The following KIF26B variants were observed in gnomAD, a reference collection of about 807,000 sequenced individuals.
KIF26B encodes kinesin family member 26B.
KIF26B carries 63 observed loss-of-function variants against 151.2 expected under a neutral mutation model. The observed-to-expected ratio is 0.42, with a 90% CI of 0.34 to 0.51. The LOEUF (loss-of-function observed/expected upper bound fraction) is 0.51, where lower values mean the gene tolerates loss of function less well. KIF26B is among the 20% of genes least tolerant of loss of function. KIF26B has a pLI of 0.07. For missense variants in KIF26B, 2,813 were observed against 2,913.6 expected, an observed-to-expected ratio of 0.97 and a Z score of 0.79; for synonymous variants, 1,357 against 1,262.1, an observed-to-expected ratio of 1.08 and a Z score of -1.59.
chr1:245,388,808 G>A (rs1673616202), intron 3 of KIF26B, among the ~76,000 whole-genome samples: 1 of 152,168 alleles, frequency 6.6e-6, no homozygotes, highest in South Asian at 2.1e-4. Flanking sequence ...CAATTGGTGG[G>A]TTGTTTCTGA....
In KIF26B at chr1:245,385,335, T is replaced by C. The variant is rs553563841; in HGVS notation, c.999+17968T>C. On this transcript the variant is annotated intron_variant, in intron 3 of 14. Coordinates refer to ENST00000407071, the MANE Select transcript of KIF26B (RefSeq NM_018012.4). ...AGACCAGTGCAACATTTGGGGTTAATTGGTACAAATATATTGATTACAGTA... is the reference window on the plus strand; with the variant it reads ...AGACCAGTGCAACATTTGGGGTTAACTGGTACAAATATATTGATTACAGTA... Among the ~76,000 whole-genome samples the C allele has an allele frequency of 7.2e-5, 11 of 152,390 alleles. No individual in the cohort carries two copies. The East Asian group carries it at 2.1e-3, about 29-fold the overall frequency.
intron 7 of KIF26B, among the ~76,000 whole-genome samples, chr1:245,608,837 C>A (rs1276677440): frequency 1.3e-5 from 2 of 152,078 alleles, no homozygotes; most frequent in African/African-American, 4.8e-5. Context: ...CTGTAACCTC[C>A]AATTCCTGGG....
chr1:245,277,923 A>G (rs1670967651), intron 2 of KIF26B, among the ~76,000 whole-genome samples: 1 of 152,052 alleles, frequency 6.6e-6, no homozygotes, highest in Admixed American at 6.6e-5. Flanking sequence ...GTCCCCTTTC[A>G]TGGTCAACAT....
rs1180978823 is a variant in KIF26B, at chr1:245,186,992, G to A, written c.465+30309G>A. On this transcript the variant is annotated intron_variant, in intron 2 of 14. Coordinates refer to ENST00000407071, the MANE Select transcript of KIF26B (RefSeq NM_018012.4). ...CTGCCTCAGCTTCCAGAGTAGCTGG[G>A]ACTACAGGCGCGCACCACCACGCTC... 4.5e-4 allele frequency among the ~76,000 whole-genome samples: 68 copies of A among 152,048 alleles called. 1 individual carries two copies. The highest frequency in any genetic ancestry group is 4.5e-3 in the Admixed American group (68 of 15,258).
At position 245,684,019 on chromosome 1, in the gene KIF26B, G is replaced by C. The variant is rs568782785; in HGVS notation, c.2259-214G>C. ...ACAGAAGCGCCAAGGGAGGTGCTTTGCACAGATTCCATCTTGGAGTTAGAA... is the reference window on the plus strand; with the variant it reads ...ACAGAAGCGCCAAGGGAGGTGCTTTCCACAGATTCCATCTTGGAGTTAGAA... On this transcript the variant is annotated intron_variant, in intron 10 of 14. Coordinates refer to ENST00000407071, the MANE Select transcript of KIF26B (RefSeq NM_018012.4). 9.8e-5 allele frequency among the ~76,000 whole-genome samples: 15 copies of C among 152,346 alleles called. No homozygotes were observed. The South Asian group carries it at 2.9e-3, about 29-fold the overall frequency.
chr1:245,661,237 C>T (rs1359879259), intron 10 of KIF26B, among the ~76,000 whole-genome samples: 1 of 152,068 alleles, frequency 6.6e-6, no homozygotes, highest in East Asian at 1.9e-4. Context: ...CACTCCCTGC[C>T]TCAGCCTCCC....
chr1:245,175,521 G>A (rs993372492), intron 2 of KIF26B, among the ~76,000 whole-genome samples: 3 of 152,186 alleles, frequency 2.0e-5, no homozygotes, highest in Non-Finnish European at 2.9e-5. Flanking sequence ...TTGAGGTTTC[G>A]GGTGGCTATT....
Position 245,687,997 on chromosome 1 carries a change from G to T in KIF26B, c.5014G>T (p.Ala1672Ser), listed in dbSNP as rs2044557543. 4 of 1,568,314 alleles carry T rather than the reference G, an allele frequency of 2.6e-6. No homozygotes were observed. The highest frequency in any genetic ancestry group is 3.5e-6 in the Non-Finnish European group (4 of 1,158,540). The change falls in exon 12 of 15, where the codon GCG becomes TCG. Residue 1672 changes from alanine to serine, a missense_variant. Ala to Ser is a moderately conservative substitution (Grantham distance 99, BLOSUM62 1). Coordinates refer to ENST00000407071, the MANE Select transcript of KIF26B (RefSeq NM_018012.4). The surrounding 1 kb of genome is among the most constrained non-coding windows in gnomAD (Gnocchi z 4.9). ...CAGCAGAAGCAACTCGCTGGGCAGG[G>T]CGACAGTCAGCCACTACGAATGCCT... ...LASRSNSLGR[A>S]TVSHYECLSL...
intron 2 of KIF26B, among the ~76,000 whole-genome samples, chr1:245,178,457 T>C (rs1427297316): frequency 2.0e-5 from 3 of 152,222 alleles, no homozygotes; most frequent in African/African-American, 7.2e-5. Flanking sequence ...TTTTTTTCCT[T>C]TTTAATTGTA....
chr1:245,483,225 A>G (rs1660206294), intron 4 of KIF26B, among the ~76,000 whole-genome samples: 3 of 151,794 alleles, frequency 2.0e-5, no homozygotes, highest in Admixed American at 2.0e-4. Context: ...AAAAATAATG[A>G]TCCACAGTTA....
intron 3 of KIF26B, among the ~76,000 whole-genome samples, chr1:245,419,325 A>G (rs1658412880): frequency 6.6e-6 from 1 of 152,240 alleles, no homozygotes; most frequent in South Asian, 2.1e-4. Flanking sequence ...GAGGGAAGAC[A>G]CAGACATAAT....
chr1:245,591,877 G>A (rs922403944), intron 5 of KIF26B, among the ~76,000 whole-genome samples: 11 of 152,224 alleles, frequency 7.2e-5, no homozygotes, highest in African/African-American at 2.6e-4. Flanking sequence ...GCTAATTGGT[G>A]GGGGGACCTG....
intron 4 of KIF26B, among the ~76,000 whole-genome samples, chr1:245,497,469 C>G (rs1276967147): frequency 6.6e-6 from 1 of 151,916 alleles, no homozygotes; most frequent in Non-Finnish European, 1.5e-5. Flanking sequence ...AGAAATTAAG[C>G]TGTAAATCAA....
intron 4 of KIF26B, among the ~76,000 whole-genome samples, chr1:245,446,256 G>A (rs1195091550): frequency 2.6e-5 from 4 of 152,146 alleles, no homozygotes; most frequent in South Asian, 4.1e-4. Flanking sequence ...AGAAGGTATA[G>A]CAAAGATACA....
chr1:245,346,379 C>T (rs755319470), intron 2 of KIF26B, among the ~76,000 whole-genome samples: 19 of 152,192 alleles, frequency 1.2e-4, no homozygotes, highest in Non-Finnish European at 2.4e-4. Context: ...TTGGTGCTAG[C>T]GCCTCATCAC....
At chr1:245,670,780 AC>A (rs1204875176) in intron 10 of KIF26B, among the ~76,000 whole-genome samples, 2 of 152,204 alleles carry the variant, frequency 1.3e-5, no homozygotes, top group African/African-American at 4.8e-5. Flanking sequence ...TGGGATACAG[AC>A]ATGCAATGTG....
chr1:245,203,968 A>C (rs1669349988), intron 2 of KIF26B, among the ~76,000 whole-genome samples: 1 of 152,224 alleles, frequency 6.6e-6, no homozygotes, highest in African/African-American at 2.4e-5. Flanking sequence ...AGCTACTTGA[A>C]TATAATTAGG....
intron 12 of KIF26B, among the ~76,000 whole-genome samples, chr1:245,692,068 T>C (rs2044632010): frequency 6.6e-6 from 1 of 152,220 alleles, no homozygotes; most frequent in Non-Finnish European, 1.5e-5. Context: ...GCCCACATCA[T>C]ATGAGACTAT....
Position 245,280,605 on chromosome 1 carries a change from T to G in KIF26B, c.466-86229T>G, listed in dbSNP as rs1159096458. ...GTCCTTGGGAAGTTTTCGTTTTTTT[T>G]TTTTTTTTTTTTTTATACTTTAAGT... On this transcript the variant is annotated intron_variant, in intron 2 of 14. Coordinates refer to ENST00000407071, the MANE Select transcript of KIF26B (RefSeq NM_018012.4). 6.1e-4 allele frequency among the ~76,000 whole-genome samples: 90 copies of G among 146,750 alleles called. 1 individual carries two copies. Among genetic ancestry groups the G allele is most frequent in the African/African-American group, 1.9e-3 (77 of 39,640 alleles).
Sources: gnomAD v4.1 joint callset for allele counts (sites outside exome capture counted in the v4.1 genomes callset) on GRCh38, gnomAD v4.1.1 for gene constraint, Gnocchi (gnomAD v3.1) non-coding constraint, MANE v1.5 for transcripts, NCBI Gene and HGNC (gene_info 2026-07-23, HGNC 2026-07-21) for gene names.